HES7: variants seen among roughly 807,000 people sequenced by gnomAD.
HES7 encodes hes family bHLH transcription factor 7.
HES7 carries 8 observed loss-of-function variants against 18.0 expected under a neutral mutation model. The ratio of observed to expected loss-of-function variants is 0.45; its 90% CI spans 0.26 to 0.80. The LOEUF is 0.80. Ranked by LOEUF, HES7 falls within the 30% of genes least tolerant of loss-of-function variation. The pLI, the probability that HES7 is intolerant of heterozygous loss-of-function variation, is 0.18. For synonymous variants in HES7, 170 were observed against 158.6 expected, an observed-to-expected ratio of 1.07 and a Z score of -0.54; for missense variants, 356 against 340.9, an observed-to-expected ratio of 1.04 and a Z score of -0.35.
In HES7 at chr17:8,123,988, GC is replaced by G; in HGVS notation, c.42+54del. 6.3e-7 allele frequency: 1 copy of G among 1,598,266 alleles called. No individual in the cohort carries two copies. The highest frequency in any genetic ancestry group is 8.6e-7 in the Non-Finnish European group (1 of 1,167,460). On this transcript the variant is annotated intron_variant, in intron 1 of 3. Coordinates refer to ENST00000541682, the MANE Select transcript of HES7 (RefSeq NM_001165967.2). This position sits in a 1 kb window ranked among gnomAD's most constrained non-coding sequence, Gnocchi z 5.9. ...TCTCTCCAGACCGACGGCGTCAGGG[GC>G]CCAGTCCCCTAGCCAAACCAGGGAC...
rs542325604 is a variant in HES7 at position 8,121,888 on chromosome 17, C to A, written c.376G>T (p.Ala126Ser). Residue 126 changes from alanine to serine, a missense_variant, in exon 4 of 4, where the codon GCG (alanine) becomes TCG (serine). Ala to Ser is a moderately conservative substitution (Grantham distance 99). Transcript: ENST00000541682. ...TTGGGGCGCAGATAGCCGTGCAGCG[C>A]GGAGAAGAGCTGGGCGCGGGCGGCC... is the stretch of plus-strand genomic sequence containing the variant. ...SPAARAQLFS[A>S]LHGYLRPKPP... is the part of the protein sequence containing the mutation. 59 of 1,571,322 alleles carry A rather than the reference C, an allele frequency of 3.8e-5. 1 individual carries two copies. In the South Asian group the frequency reaches 5.6e-4, roughly 15 times the overall value.
In HES7 at chr17:8,121,820, C is replaced by T. The variant is rs62063066; in HGVS notation, c.444G>A (p.Pro148=). 4.2e-4 allele frequency: 652 copies of T among 1,566,808 alleles called. No homozygotes were observed. Among genetic ancestry groups the T allele is most frequent in the Non-Finnish European group, 5.2e-4 (605 of 1,167,622 alleles). Residue 148 remains proline (P), a synonymous_variant, in exon 4 of 4, where the codon CCG becomes CCA. Coordinates refer to ENST00000541682, the MANE Select transcript of HES7 (RefSeq NM_001165967.2). ...PKPVDPRPPA[P]RPSLDPAAPA... The stretch of plus-strand genomic sequence containing the variant: ...GTGCGGCGGGGTCCAGGGATGGGCG[C>T]GGCGCTGGAGGCCTCGGATCTACCG...
At chr17:8,124,168 C>A (rs1981508009), upstream of HES7, 9 of 1,530,400 alleles carry the variant, frequency 5.9e-6, no homozygotes, top group African/African-American at 1.4e-5. Flanking sequence ...GGGATAGGAC[C>A]CGACCCCGCC....
At chr17:8,125,747 C>A (rs140466196), upstream of HES7, among the ~76,000 whole-genome samples, 1 of 152,202 alleles carries the variant, frequency 6.6e-6, no homozygotes, top group Non-Finnish European at 1.5e-5. Context: ...TTAAGCCGCG[C>A]ATTGGTGGTT....
rs763576909 is a variant in HES7, at chr17:8,123,091, G to T, written c.78C>A (p.Asp26Glu). 4 of 1,607,708 alleles carry T rather than the reference G, an allele frequency of 2.5e-6. No individual in the cohort carries two copies. Among genetic ancestry groups the T allele is most frequent in the Non-Finnish European group, 3.4e-6 (4 of 1,177,544 alleles). ...GCTCTTCCAGGCTGCGGTTGATGCGGTCCCGGCGCCGCTTCTCCACAAGCG... is the reference window on the plus strand; with the variant it reads ...GCTCTTCCAGGCTGCGGTTGATGCGTTCCCGGCGCCGCTTCTCCACAAGCG... ...LKPLVEKRRR[D>E]RINRSLEELR... is the part of the protein sequence containing the mutation. The change falls in exon 2 of 4, where the codon GAC becomes GAA. Residue 26 changes from aspartate (D) to glutamate (E), a missense_variant. Transcript: ENST00000541682. The surrounding 1 kb of genome is among the most constrained non-coding windows in gnomAD (Gnocchi z 5.9).
rs1457390873 is a variant in HES7, at chr17:8,122,487, G to A, written c.139-57C>T. 2.4e-6 allele frequency: 3 copies of A among 1,231,046 alleles called. No homozygotes were observed. The highest frequency in any genetic ancestry group is 2.3e-6 in the Non-Finnish European group (2 of 856,882). 76.3% of individuals were successfully genotyped at this position (1,231,046 alleles called of 1,614,324 possible). On this transcript the variant is annotated intron_variant, in intron 2 of 3. Transcript: ENST00000541682. The surrounding 1 kb of genome is among the most constrained non-coding windows in gnomAD (Gnocchi z 6.9). ...AAAGGGGTGGGGAGAAAGGGGGAAA[G>A]TGGCAGGGGGAAGAAGGGAGGGACG...
rs1436019322 is a variant in HES7 at position 8,121,616 on chromosome 17, C to T, written c.648G>A (p.Lys216=). The change falls in exon 4 of 4, where the codon AAG becomes AAA. Residue 216 remains lysine (K), a synonymous_variant. Coordinates refer to ENST00000541682, the MANE Select transcript of HES7 (RefSeq NM_001165967.2). ...AAGCGGGCGGCGGGGGCAGCGGGGC[C>T]TTGGGCGCCCCGTCTTGTCTGTGAG... ...PPPHRQDGAP[K]APLPPPPAFW... is the part of the protein sequence containing the mutation. 6 of 1,310,282 alleles carry T rather than the reference C, an allele frequency of 4.6e-6. No individual in the cohort carries two copies. Among genetic ancestry groups the T allele is most frequent in the Admixed American group, 8.3e-5 (2 of 24,030 alleles). 81.2% of individuals were successfully genotyped at this position (1,310,282 alleles called of 1,614,324 possible).
Position 8,123,761 on chromosome 17 carries a change from T to C in HES7, c.42+282A>G, listed in dbSNP as rs943179034. Among the ~76,000 whole-genome samples, 1 of 152,100 alleles carries C rather than the reference T, an allele frequency of 6.6e-6. No individual in the cohort carries two copies. Among genetic ancestry groups the C allele is most frequent in the Admixed American group, 6.5e-5 (1 of 15,282 alleles). The stretch of plus-strand genomic sequence containing the variant: ...CCCTTGGCTCTGCCCTCTAATTGCT[T>C]ATTTTACTCCAACACCGGCCCCCTC... On this transcript the variant is annotated intron_variant, in intron 1 of 3. Coordinates refer to ENST00000541682, the MANE Select transcript of HES7 (RefSeq NM_001165967.2). This position sits in a 1 kb window ranked among gnomAD's most constrained non-coding sequence, Gnocchi z 5.9.
In HES7 at chr17:8,121,572, C is replaced by T; in HGVS notation, c.692G>A (p.Ter231=). 6.9e-6 allele frequency: 9 copies of T among 1,301,966 alleles called. No individual in the cohort carries two copies. The highest frequency in any genetic ancestry group is 1.5e-5 in the African/African-American group (1 of 64,806). 80.7% of individuals were successfully genotyped at this position (1,301,966 alleles called of 1,614,324 possible). The change falls in exon 4 of 4, where the codon TGA becomes TAA. Residue 231 remains the stop codon, a stop_retained_variant. Transcript: ENST00000541682. ...CCCGCCCCCACCACCCCCCAAGGCT[C>T]AGGGCCAAGGTCTCCAGAAAGCGGG... ...PPPAFWRPWP[*] is the part of the protein sequence containing the mutation.
upstream of HES7, among the ~76,000 whole-genome samples, chr17:8,124,345 C>T (rs1312887116): frequency 2.0e-5 from 3 of 152,062 alleles, no homozygotes; most frequent in Non-Finnish European, 2.9e-5. Context: ...TATAAGGAGG[C>T]GGGACCCAGC....
At position 8,121,609 on chromosome 17, in the gene HES7, G is replaced by A; in HGVS notation, c.655C>T (p.Leu219=). ...HRQDGAPKAP[L]PPPPAFWRPW... ...CTCCAGAAAGCGGGCGGCGGGGGCA[G>A]CGGGGCCTTGGGCGCCCCGTCTTGT... The change falls in exon 4 of 4, where the codon CTG becomes TTG. Residue 219 remains leucine (L), a synonymous_variant. Coordinates refer to ENST00000541682, the MANE Select transcript of HES7 (RefSeq NM_001165967.2). 1 of 1,310,284 alleles carries A rather than the reference G, an allele frequency of 7.6e-7. No homozygotes were observed. The highest frequency in any genetic ancestry group is 2.3e-5 in the South Asian group (1 of 42,634). The allele number at this position is 1,310,284 out of a possible 1,614,324, so 81.2% of individuals were successfully genotyped here.
In HES7 at chr17:8,123,402, C is replaced by A; in HGVS notation, c.43-276G>T. On this transcript the variant is annotated intron_variant, in intron 1 of 3. Coordinates refer to ENST00000541682, the MANE Select transcript of HES7 (RefSeq NM_001165967.2). This position sits in a 1 kb window ranked among gnomAD's most constrained non-coding sequence, Gnocchi z 5.9. ...TGTCTCTCCTCCTCTTTTCTCTCTA[C>A]GTCTCCGTCTGGTGCAGTTTCTCTT... 1.8e-6 allele frequency: 1 copy of A among 545,128 alleles called. No homozygotes were observed. Among genetic ancestry groups the A allele is most frequent in the Non-Finnish European group, 3.3e-6 (1 of 302,102 alleles). The allele number at this position is 545,128 out of a possible 1,614,324, so 33.8% of individuals were successfully genotyped here.
Position 8,123,503 on chromosome 17 carries a change from G to A in HES7, c.43-377C>T. On this transcript the variant is annotated intron_variant, in intron 1 of 3. Coordinates refer to ENST00000541682, the MANE Select transcript of HES7 (RefSeq NM_001165967.2). The surrounding 1 kb of genome is among the most constrained non-coding windows in gnomAD (Gnocchi z 5.9). Reference sequence around the variant, plus strand: ...CACGGTGCCGGGCTCAGACCTGGCGGCCCTGAGTATAGAAAGGGAGATACC... The same window carrying A: ...CACGGTGCCGGGCTCAGACCTGGCGACCCTGAGTATAGAAAGGGAGATACC... The A allele has an allele frequency of 2.8e-6, 1 of 350,934 alleles. No homozygotes were observed. 21.7% of individuals were successfully genotyped at this position (350,934 alleles called of 1,614,324 possible).
Position 8,122,424 on chromosome 17 carries a change from G to C in HES7, c.145C>G (p.Arg49Gly), listed in dbSNP as rs1981404591. Residue 49 changes from arginine (R) to glycine (G), a missense_variant, in exon 3 of 4, where the codon CGG becomes GGG. By Grantham distance (125) the Arg-to-Gly change is moderately radical. Transcript: ENST00000541682. The surrounding 1 kb of genome is among the most constrained non-coding windows in gnomAD (Gnocchi z 6.9). Reference protein sequence around the residue: ...LLERTRDQNLRNPKLEKAEIL... With the variant: ...LLERTRDQNLGNPKLEKAEIL... ...TCCGCTTTCTCCAGCTTCGGGTTCC[G>C]GAGGTTCTACAGACGGGAGGGGAGG... 1.3e-6 allele frequency: 2 copies of C among 1,582,258 alleles called. No homozygotes were observed. The highest frequency in any genetic ancestry group is 1.3e-5 in the African/African-American group (1 of 74,148).
In HES7 at chr17:8,121,940, C is replaced by A; in HGVS notation, c.324G>T (p.Leu108Phe). 6.4e-7 allele frequency: 1 copy of A among 1,560,988 alleles called. No individual in the cohort carries two copies. Among genetic ancestry groups the A allele is most frequent in the Middle Eastern group, 1.8e-4 (1 of 5,664 alleles). The change falls in exon 4 of 4, where the codon TTG (leucine) becomes TTT (phenylalanine). Residue 108 changes from leucine to phenylalanine, a missense_variant. Transcript: ENST00000541682. ...GGCTGGCGTCGTGCGCGAAGGCCGC[C>A]AAGCGAAGCAGGCACTCGCGGAAAC... The part of the protein sequence containing the change: ...LSGFRECLLR[L>F]AAFAHDASPA...
In HES7 at chr17:8,123,645, C is replaced by A. The variant is rs1981476589; in HGVS notation, c.42+398G>T. ...TCTGGAACCAACGCCCCGGGACCTT[C>A]TGTACAAGACCGCCTTGGGCCAGCC... On this transcript the variant is annotated intron_variant, in intron 1 of 3. Transcript: ENST00000541682. This position sits in a 1 kb window ranked among gnomAD's most constrained non-coding sequence, Gnocchi z 5.9. 1 of 371,726 alleles carries A rather than the reference C, an allele frequency of 2.7e-6. No homozygotes were observed. Among genetic ancestry groups the A allele is most frequent in the Admixed American group, 4.3e-5 (1 of 23,098 alleles). The allele number at this position is 371,726 out of a possible 1,614,324, so 23.0% of individuals were successfully genotyped here. A position where few individuals can be genotyped will look rare whatever the true frequency, so the allele number is the denominator to read the frequency against.
upstream of HES7, among the ~76,000 whole-genome samples, chr17:8,124,304 G>A (rs142522759): frequency 5.9e-5 from 9 of 152,260 alleles, no homozygotes; most frequent in African/African-American, 2.2e-4. Context: ...GGTGAATGGG[G>A]GCACTGGCTG....
chr17:8,124,418 T>C (rs1240278743), upstream of HES7, among the ~76,000 whole-genome samples: 2 of 152,134 alleles, frequency 1.3e-5, no homozygotes, highest in African/African-American at 4.8e-5. Flanking sequence ...TCCTCCAGAA[T>C]TGCAGCTTTC....
rs1981326958 is a variant in HES7, at chr17:8,121,627, C to G, written c.637G>C (p.Gly213Arg). Reference sequence around the variant, plus strand: ...GGGGGCAGCGGGGCCTTGGGCGCCCCGTCTTGTCTGTGAGGCGGCGGTGGC... The same window carrying G: ...GGGGGCAGCGGGGCCTTGGGCGCCCGGTCTTGTCTGTGAGGCGGCGGTGGC... ...PPPPPPHRQD[G>R]APKAPLPPPP... Residue 213 changes from glycine to arginine, a missense_variant, in exon 4 of 4, where the codon GGG becomes CGG. By Grantham distance (125) the Gly-to-Arg change is moderately radical (BLOSUM62 -2). Coordinates refer to ENST00000541682, the MANE Select transcript of HES7 (RefSeq NM_001165967.2). 1.2e-5 allele frequency: 16 copies of G among 1,314,520 alleles called. No homozygotes were observed. Among genetic ancestry groups the G allele is most frequent in the Middle Eastern group, 2.8e-4 (1 of 3,530 alleles). The allele number at this position is 1,314,520 out of a possible 1,614,324, so 81.4% of individuals were successfully genotyped here. A position where few individuals can be genotyped will look rare whatever the true frequency, so the allele number is the denominator to read the frequency against.
Sources: allele counts gnomAD v4.1 joint callset (sites outside exome capture counted in the v4.1 genomes callset), GRCh38; gene constraint gnomAD v4.1.1; non-coding constraint Gnocchi (gnomAD v3.1); transcripts MANE v1.5; gene names NCBI Gene and HGNC (gene_info 2026-07-23, HGNC 2026-07-21).